THOC5: variants seen among roughly 807,000 people sequenced by gnomAD.
The protein encoded by THOC5 is THO complex subunit 5, also known as Fms-interacting protein.
THOC5 carries 43 observed loss-of-function variants against 92.9 expected under a neutral mutation model. The ratio of observed to expected loss-of-function variants is 0.46; its 90% CI spans 0.36 to 0.60. The LOEUF is 0.60. Among genes scored for constraint, THOC5 ranks in the 20% least tolerant of loss-of-function variants. The pLI is 0.00. For missense variants in THOC5, 659 were observed against 849.4 expected, an observed-to-expected ratio of 0.78 and a Z score of 2.79; for synonymous variants, 296 against 320.1, an observed-to-expected ratio of 0.92 and a Z score of 0.80.
chr22:29,508,390 A>C lies in THOC5; in HGVS notation c.*67T>G. ...GAATATCAAGAGTCACATGTGGGCC[A>C]GAGCAGAAAGCAGAAGCCCAGTGCT... On this transcript the variant is annotated 3_prime_UTR_variant, in exon 20 of 20. Transcript: ENST00000490103. 6.7e-7 allele frequency: 1 copy of C among 1,490,664 alleles called. No homozygotes were observed. Among genetic ancestry groups the C allele is most frequent in the South Asian group, 1.1e-5 (1 of 87,934 alleles). 92.3% of individuals were successfully genotyped at this position (1,490,664 alleles called of 1,614,324 possible).
chr22:29,526,376 C>CA (rs1438333447), intron 11 of THOC5, among the ~76,000 whole-genome samples: 1 of 151,946 alleles, frequency 6.6e-6, no homozygotes, highest in East Asian at 1.9e-4. Context: ...ACTAAAAATA[C>CA]AAAAAATCAG....
chr22:29,505,884 A>C lies in THOC5; in HGVS notation c.*2573T>G, dbSNP rs2063138450. ...CTACATCTTTTTTTTTTTTTCCAAG[A>C]CGGAGTCTTGCTCTGTTGTCCAGAT... On this transcript the variant is annotated 3_prime_UTR_variant, in exon 20 of 20. Coordinates refer to ENST00000490103, the MANE Select transcript of THOC5 (RefSeq NM_003678.5). 6.6e-6 allele frequency: 1 copy of C among 151,104 alleles called. No homozygotes were observed. Among genetic ancestry groups the C allele is most frequent in the African/African-American group, 2.4e-5 (1 of 41,064 alleles). The allele number at this position is 151,104 out of a possible 1,614,324, so 9.4% of individuals were successfully genotyped here.
At chr22:29,527,343 C>A (rs534113620) in intron 11 of THOC5, among the ~76,000 whole-genome samples, 1 of 152,130 alleles carries the variant, frequency 6.6e-6, no homozygotes, top group Non-Finnish European at 1.5e-5. Context: ...CGATTGAGCC[C>A]AGGAGGTTGA....
At chr22:29,539,045 GGTTGCA>G (rs2063822476) in intron 6 of THOC5, among the ~76,000 whole-genome samples, 2 of 149,836 alleles carry the variant, frequency 1.3e-5, no homozygotes, top group South Asian at 4.2e-4. Context: ...GGGAGGCAGA[GGTTGCA>G]GTGAACTGAG....
Position 29,508,326 on chromosome 22 carries a change from TG to T in THOC5, c.*130del. ...GCCAGGAACCACAGACAAAGGCCAC[TG>T]GTCAGGTGACGCTTTTTAATTGGCT... On this transcript the variant is annotated 3_prime_UTR_variant, in exon 20 of 20. Transcript: ENST00000490103. The T allele has an allele frequency of 1.1e-6, 1 of 942,382 alleles. No individual in the cohort carries two copies. The highest frequency in any genetic ancestry group is 1.6e-6 in the Non-Finnish European group (1 of 621,034). 58.4% of individuals were successfully genotyped at this position (942,382 alleles called of 1,614,324 possible). A position where few individuals can be genotyped will look rare whatever the true frequency, so the allele number is the denominator to read the frequency against.
intron 19 of THOC5, among the ~76,000 whole-genome samples, chr22:29,510,506 A>G (rs535054487): frequency 6.6e-6 from 1 of 152,238 alleles, no homozygotes; most frequent in Admixed American, 6.5e-5. Context: ...GCTGAGGCGG[A>G]AGGATCGTTT....
chr22:29,532,528 G>A (rs2063676447), intron 7 of THOC5, among the ~76,000 whole-genome samples: 2 of 151,278 alleles, frequency 1.3e-5, no homozygotes, highest in South Asian at 2.1e-4. Context: ...AGCTGGGCGT[G>A]GTGGCATATG....
rs922178802 is a variant in THOC5 at position 29,549,075 on chromosome 22, G to A, written c.73C>T (p.Arg25Trp). 1.9e-6 allele frequency: 3 copies of A among 1,614,062 alleles called. No individual in the cohort carries two copies. The highest frequency in any genetic ancestry group is 1.7e-6 in the Non-Finnish European group (2 of 1,179,992). The change falls in exon 2 of 20, where the codon CGG (arginine) becomes TGG (tryptophan). Residue 25 changes from arginine to tryptophan, a missense_variant. Coordinates refer to ENST00000490103, the MANE Select transcript of THOC5 (RefSeq NM_003678.5). Reference sequence around the variant, plus strand: ...ACCTGCTCGGTGTCAGATCGATTCCGCTTTCCTTCAGCTGGGGCTCCATCG... The same window carrying A: ...ACCTGCTCGGTGTCAGATCGATTCCACTTTCCTTCAGCTGGGGCTCCATCG... ...RSDGAPAEGKRNRSDTEQEGK... is the reference protein window; with the variant it reads ...RSDGAPAEGKWNRSDTEQEGK...
intron 4 of THOC5, among the ~76,000 whole-genome samples, chr22:29,543,175 C>T (rs2063935104): frequency 6.6e-6 from 1 of 151,842 alleles, no homozygotes; most frequent in Non-Finnish European, 1.5e-5. Flanking sequence ...GAAACCCCAT[C>T]TCTACTAAAA....
At chr22:29,547,482 C>G (rs1173759143) in intron 2 of THOC5, among the ~76,000 whole-genome samples, 2 of 152,126 alleles carry the variant, frequency 1.3e-5, no homozygotes, top group African/African-American at 2.4e-5. Context: ...TCTGCCTCAG[C>G]CTCCCGAGTA....
At chr22:29,508,774 A>C (rs2063167204) in intron 19 of THOC5, among the ~76,000 whole-genome samples, 1 of 152,100 alleles carries the variant, frequency 6.6e-6, no homozygotes, top group South Asian at 2.1e-4. Context: ...ACATAGCTTT[A>C]GGCACCCTCA....
In THOC5 at chr22:29,544,562, C is replaced by A; in HGVS notation, c.138G>T (p.Arg46=). The stretch of plus-strand genomic sequence containing the variant: ...ATAACTCATAGTCTCTGCCAGGGTC[C>A]CGCAGATCCACCTCGGCCTCCTCAC... ...YYSEEAEVDL[R]DPGRDYELYK... The change falls in exon 3 of 20, where the codon CGG becomes CGT. Residue 46 remains arginine (R), a synonymous_variant. Coordinates refer to ENST00000490103, the MANE Select transcript of THOC5 (RefSeq NM_003678.5). 2 of 1,613,728 alleles carry A rather than the reference C, an allele frequency of 1.2e-6. No individual in the cohort carries two copies. Among genetic ancestry groups the A allele is most frequent in the Non-Finnish European group, 1.7e-6 (2 of 1,179,820 alleles).
At chr22:29,525,805 C>T (rs759274212) in intron 12 of THOC5, 33 bp downstream of exon 12, 18 of 1,567,202 alleles carry the variant, frequency 1.1e-5, no homozygotes, top group African/African-American at 6.8e-5. Flanking sequence ...CTCCCCATCC[C>T]GCACGTCATT....
intron 12 of THOC5, among the ~76,000 whole-genome samples, chr22:29,523,555 C>T (rs1205810828): frequency 6.6e-6 from 1 of 152,186 alleles, no homozygotes; most frequent in Non-Finnish European, 1.5e-5. Flanking sequence ...CACAGGGACG[C>T]AGTCCTCAAA....
At chr22:29,531,162 C>T (rs777736171) in intron 8 of THOC5, 13 of 1,127,492 alleles carry the variant, frequency 1.2e-5, no homozygotes, top group South Asian at 2.0e-5. Flanking sequence ...ACCAGAAGGA[C>T]GAGGAAGACA....
At chr22:29,527,956 CAATATGAAATG>C in intron 11 of THOC5, 111 bp downstream of exon 11, 1 of 829,188 alleles carries the variant, frequency 1.2e-6, no homozygotes, top group Non-Finnish European at 1.9e-6. Flanking sequence ...AAAAACAAAG[CAATATGAAATG>C]GGAATCCTTT....
At chr22:29,550,399 A>G (rs2064118307) in intron 1 of THOC5, among the ~76,000 whole-genome samples, 2 of 151,818 alleles carry the variant, frequency 1.3e-5, no homozygotes, top group Non-Finnish European at 2.9e-5. Context: ...AATTTAAAGT[A>G]TAGAACCTAC....
At chr22:29,531,392 G>A in intron 8 of THOC5, 1 of 985,412 alleles carries the variant, frequency 1.0e-6, no homozygotes, top group South Asian at 4.7e-5. Context: ...CATCTAACCT[G>A]GAAATTCACA....
chr22:29,510,431 T>C (rs983290283), intron 19 of THOC5, among the ~76,000 whole-genome samples: 67 of 152,116 alleles, frequency 4.4e-4, no homozygotes, highest in African/African-American at 1.5e-3. Context: ...ACCCCATCTC[T>C]ACAAAAAAAT....
Sources: allele counts gnomAD v4.1 joint callset (sites outside exome capture counted in the v4.1 genomes callset), GRCh38; gene constraint gnomAD v4.1.1; transcripts MANE v1.5; gene names NCBI Gene and HGNC (gene_info 2026-07-23, HGNC 2026-07-21).